Variants in BDNF observed in about 807,000 individuals in gnomAD.
BDNF encodes brain derived neurotrophic factor, also known as neurotrophic factor BDNF precursor form.
Under a neutral mutation model 19.5 loss-of-function variants are expected in BDNF, and 1 was observed. That is an observed-to-expected ratio of 0.05 (90% CI 0.02 to 0.24). The LOEUF (loss-of-function observed/expected upper bound fraction) is 0.24. Among genes scored for constraint, BDNF ranks in the 10% least tolerant of loss-of-function variants. The pLI is 1.00. For synonymous variants in BDNF, 100 were observed against 121.6 expected (o/e 0.82, Z 1.17); for missense variants, 195 against 317.6 (o/e 0.61, Z 2.93).
intron 1 of BDNF, among the ~76,000 whole-genome samples, chr11:27,666,311 T>C (rs574145300): frequency 6.6e-6 from 1 of 152,226 alleles, no homozygotes; most frequent in East Asian, 1.9e-4. Flanking sequence ...ACCAATAAGA[T>C]GGGGAGAAAC....
chr11:27,665,876 C>G (rs1399148785), intron 1 of BDNF, among the ~76,000 whole-genome samples: 1 of 152,212 alleles, frequency 6.6e-6, no homozygotes, highest in Non-Finnish European at 1.5e-5. Context: ...GCAGAAACTT[C>G]TGCAGACTTA....
At chr11:27,714,861 T>C (rs1019159405) in intron 1 of BDNF, among the ~76,000 whole-genome samples, 7 of 152,176 alleles carry the variant, frequency 4.6e-5, no homozygotes, top group African/African-American at 1.7e-4. Context: ...TGATTGACTT[T>C]TTTGGGTACT....
intron 1 of BDNF, among the ~76,000 whole-genome samples, chr11:27,684,778 A>T (rs374769886): frequency 6.6e-6 from 1 of 152,066 alleles, no homozygotes; most frequent in East Asian, 1.9e-4. Context: ...AAGCTTTTTG[A>T]TGTGCTGCTG....
chr11:27,700,381 T>A lies in BDNF; in HGVS notation c.-239A>T, dbSNP rs1590463771. 1.2e-5 allele frequency: 12 copies of A among 985,308 alleles called. No homozygotes were observed. The highest frequency in any genetic ancestry group is 6.2e-5 in the Admixed American group (1 of 16,210). 61.0% of individuals were successfully genotyped at this position (985,308 alleles called of 1,614,324 possible). ...CCCGGGAGCCCGAGGCGCTACGGGG[T>A]GCGCGGGACAGCGAGCGGGCGGGTG... On this transcript the variant is annotated 5_prime_UTR_variant, in exon 1 of 2. Coordinates refer to ENST00000356660, the MANE Select transcript of BDNF (RefSeq NM_001709.5).
intron 1 of BDNF, chr11:27,677,380 C>G (rs1856273364): frequency 6.6e-6 from 1 of 152,148 alleles, no homozygotes; most frequent in African/African-American, 2.4e-5. Flanking sequence ...GGAAAGCTCT[C>G]TGGTATATAT....
At chr11:27,683,848 C>T (rs1212059578) in intron 1 of BDNF, among the ~76,000 whole-genome samples, 1 of 152,088 alleles carries the variant, frequency 6.6e-6, no homozygotes, top group African/African-American at 2.4e-5. Flanking sequence ...ATGATGCCTC[C>T]AGCTTGTTCA....
chr11:27,699,765 T>G, intron 1 of BDNF: 1 of 1,226,890 alleles, frequency 8.2e-7, no homozygotes, highest in Non-Finnish European at 1.1e-6. Flanking sequence ...GAAGGATTCC[T>G]AGCCTAGCCC....
Position 27,712,625 on chromosome 11 carries a change from C to T in BDNF, c.3+8787G>A, listed in dbSNP as rs192530983. Among the ~76,000 whole-genome samples the T allele has an allele frequency of 3.3e-5, 5 of 151,456 alleles. No individual in the cohort carries two copies. In the East Asian group the frequency reaches 5.9e-4, roughly 18 times the overall value. On this transcript the variant is annotated intron_variant, in intron 1 of 1. Transcript: ENST00000314915. ...CCACCTCCCAGATTCAAGTGATTCT[C>T]GTGCCTCAGCCTTCCAAGTAGCTGG...
intron 1 of BDNF, chr11:27,659,745 T>C (rs1853158366): frequency 3.3e-6 from 3 of 906,700 alleles, no homozygotes; most frequent in African/African-American, 1.8e-5. Context: ...TGCTTCTTTT[T>C]CTGCTTTTGA....
intron 1 of BDNF, among the ~76,000 whole-genome samples, chr11:27,718,571 G>GCCCCT (rs1411807063): frequency 2.4e-4 from 3 of 12,248 alleles, no homozygotes; most frequent in Non-Finnish European, 4.7e-4. Flanking sequence ...TCCCCTGCCC[G>GCCCCT]CCCCTCCCCT....
chr11:27,674,117 C>T (rs1243188371), intron 1 of BDNF: 4 of 1,611,890 alleles, frequency 2.5e-6, no homozygotes, highest in Non-Finnish European at 3.4e-6. Context: ...CGTGGAGGTA[C>T]ACAGCACAGC....
intron 1 of BDNF, among the ~76,000 whole-genome samples, chr11:27,685,994 G>A (rs750968743): frequency 6.6e-6 from 1 of 152,160 alleles, no homozygotes; most frequent in Non-Finnish European, 1.5e-5. Context: ...TGACATTGGG[G>A]TGTTAAAGTC....
At chr11:27,718,768 C>A (rs898907336) in intron 1 of BDNF, among the ~76,000 whole-genome samples, 1 of 152,076 alleles carries the variant, frequency 6.6e-6, no homozygotes, top group Non-Finnish European at 1.5e-5. Flanking sequence ...ACAATATCCT[C>A]GCTTCGCCTA....
chr11:27,671,103 AC>A (rs1429272054), intron 1 of BDNF, among the ~76,000 whole-genome samples: 2 of 152,166 alleles, frequency 1.3e-5, no homozygotes, highest in Non-Finnish European at 2.9e-5. Context: ...TGGGAACTGA[AC>A]AATGAGAACA....
upstream of BDNF, among the ~76,000 whole-genome samples, chr11:27,705,019 C>A (rs570583445): frequency 9.9e-5 from 15 of 152,214 alleles, no homozygotes; most frequent in Admixed American, 9.2e-4. Flanking sequence ...AAGCTGATCC[C>A]ATCTGGGAAT....
intron 1 of BDNF, among the ~76,000 whole-genome samples, chr11:27,691,809 A>G (rs539011963): frequency 6.6e-6 from 1 of 152,326 alleles, no homozygotes; most frequent in Admixed American, 6.5e-5. Flanking sequence ...GGAGGAGTCA[A>G]TTCCTTTTAG....
At chr11:27,699,642 A>T in intron 1 of BDNF, 4 of 1,434,138 alleles carry the variant, frequency 2.8e-6, no homozygotes, top group African/African-American at 1.4e-5. Context: ...CTTCAGTCTC[A>T]ATTCCTGGGG....
rs996100540 is a variant in BDNF at position 27,656,545 on chromosome 11, T to C, written c.*1276A>G. The C allele has an allele frequency of 5.1e-6, 5 of 985,704 alleles. No homozygotes were observed. In the African/African-American group the frequency reaches 8.7e-5, roughly 17 times the overall value. 61.1% of individuals were successfully genotyped at this position (985,704 alleles called of 1,614,324 possible). ...TCCACCTAGACCTTGGGATGGCCAC[T>C]CAGAAATTCCTCCCGCACTGCCGGT... On this transcript the variant is annotated 3_prime_UTR_variant, in exon 2 of 2. Transcript: ENST00000356660.
chr11:27,695,932 CAGAT>C (rs1438276891), intron 1 of BDNF, among the ~76,000 whole-genome samples: 1 of 151,926 alleles, frequency 6.6e-6, no homozygotes, highest in African/African-American at 2.4e-5. Context: ...CTTATCTGAC[CAGAT>C]ACTCAAATTT....
Sources: gnomAD v4.1 joint callset for allele counts (sites outside exome capture counted in the v4.1 genomes callset) on GRCh38, gnomAD v4.1.1 for gene constraint, MANE v1.5 for transcripts, NCBI Gene and HGNC (gene_info 2026-07-23, HGNC 2026-07-21) for gene names.